Variants in USP54 observed in about 807,000 individuals in gnomAD.
USP54 encodes the protein ubiquitin carboxyl-terminal hydrolase 54.
Under a neutral mutation model 170.5 loss-of-function variants are expected in USP54, and 87 were observed. That is an observed-to-expected ratio of 0.51 (90% confidence interval 0.43 to 0.61). USP54 has a LOEUF of 0.61. Ranked by LOEUF, USP54 falls within the 20% of genes least tolerant of loss-of-function variation. USP54 has a pLI of 0.00. For synonymous variants in USP54, 655 were observed against 742.8 expected, an observed-to-expected ratio of 0.88 and a Z score of 1.92; for missense variants, 1,786 against 2,047.8, an observed-to-expected ratio of 0.87 and a Z score of 2.47.
At chr10:73,551,364 A>G (rs540672067) in intron 4 of USP54, among the ~76,000 whole-genome samples, 2 of 152,368 alleles carry the variant, frequency 1.3e-5, no homozygotes, top group African/African-American at 4.8e-5. Context: ...CAAGTCCACT[A>G]TAAGGTCAAG....
At chr10:73,556,640 G>A (rs988924036) in intron 4 of USP54, among the ~76,000 whole-genome samples, 11 of 152,052 alleles carry the variant, frequency 7.2e-5, no homozygotes, top group African/African-American at 9.7e-5. Context: ...CACCGCGCCC[G>A]GGCTGAGTAA....
At chr10:73,533,840 A>G (rs1392658089) in intron 12 of USP54, among the ~76,000 whole-genome samples, 4 of 152,226 alleles carry the variant, frequency 2.6e-5, no homozygotes, top group African/African-American at 9.6e-5. Context: ...TCTATCCTTC[A>G]GGAAGCTTAG....
intron 5 of USP54, 105 bp from the exon 6 acceptor site, chr10:73,543,236 G>A: frequency 1.3e-6 from 1 of 764,838 alleles, no homozygotes; most frequent in South Asian, 1.9e-5. Context: ...CTGGAAGGTA[G>A]GAATATTTTG....
At chr10:73,510,468 G>C (rs879828358) in intron 20 of USP54, among the ~76,000 whole-genome samples, 3 of 58,734 alleles carry the variant, frequency 5.1e-5, no homozygotes, top group Non-Finnish European at 1.0e-4. Flanking sequence ...TTTTTTTTTT[G>C]AGATGGCAGT....
upstream of USP54, among the ~76,000 whole-genome samples, chr10:73,593,515 T>C (rs2078469549): frequency 6.6e-6 from 1 of 152,188 alleles, no homozygotes; most frequent in African/African-American, 2.4e-5. Flanking sequence ...GTTTAAATGT[T>C]CAGGTATTCT....
chr10:73,575,276 T>C (rs569579144), intron 3 of USP54, among the ~76,000 whole-genome samples: 2 of 152,294 alleles, frequency 1.3e-5, no homozygotes, highest in African/African-American at 2.4e-5. Flanking sequence ...TAATAGTAGT[T>C]ACAGTTATTA....
At chr10:73,544,127 G>A (rs774968442) in intron 5 of USP54, among the ~76,000 whole-genome samples, 4 of 151,976 alleles carry the variant, frequency 2.6e-5, no homozygotes, top group Non-Finnish European at 5.9e-5. Context: ...GTTTTTAATA[G>A]AGACGGCGTT....
intron 4 of USP54, among the ~76,000 whole-genome samples, chr10:73,552,503 T>C (rs968724954): frequency 6.6e-6 from 1 of 151,856 alleles, no homozygotes; most frequent in Admixed American, 6.5e-5. Flanking sequence ...ATATAAGATA[T>C]ACATCAGCCG....
chr10:73,571,696 T>C (rs2075233850), intron 3 of USP54, among the ~76,000 whole-genome samples, 183 bp from the exon 4 acceptor site: 2 of 152,138 alleles, frequency 1.3e-5, no homozygotes, highest in Non-Finnish European at 2.9e-5. Flanking sequence ...GAAAAATAAA[T>C]GGTCATATTC....
chr10:73,565,144 T>C (rs1290493085), intron 4 of USP54, among the ~76,000 whole-genome samples: 1 of 152,074 alleles, frequency 6.6e-6, no homozygotes, highest in Non-Finnish European at 1.5e-5. Flanking sequence ...TATCCCTACT[T>C]ATCTTTAGTG....
chr10:73,511,851 T>G (rs1589888059), intron 20 of USP54, among the ~76,000 whole-genome samples: 1 of 151,046 alleles, frequency 6.6e-6, no homozygotes, highest in East Asian at 2.0e-4. Context: ...CAAGCAATTC[T>G]CCTGCCTCAG....
At chr10:73,505,944 T>G (rs150320919) in intron 20 of USP54, 4,612 of 152,496 alleles carry the variant, frequency 0.03, 205 homozygotes, top group Admixed American at 0.11. Flanking sequence ...ATTTCATTTT[T>G]GTAAACATAA....
At chr10:73,515,573 C>A (rs2060926447) in intron 20 of USP54, among the ~76,000 whole-genome samples, 2 of 152,250 alleles carry the variant, frequency 1.3e-5, no homozygotes, top group South Asian at 4.1e-4. Context: ...CCAAACTTGA[C>A]TTTTCCTAAA....
At chr10:73,578,472 C>T (rs1485860249) in intron 1 of USP54, among the ~76,000 whole-genome samples, 2 of 152,232 alleles carry the variant, frequency 1.3e-5, no homozygotes, top group African/African-American at 2.4e-5. Flanking sequence ...AGTGCAGTCG[C>T]GCAATATTGG....
At chr10:73,556,556 G>A (rs2071119840) in intron 4 of USP54, among the ~76,000 whole-genome samples, 1 of 151,658 alleles carries the variant, frequency 6.6e-6, no homozygotes, top group Non-Finnish European at 1.5e-5. Context: ...ATCTTGGCCA[G>A]GCTAGTCCTC....
In USP54 at chr10:73,516,650, G is replaced by C; in HGVS notation, c.3776C>G (p.Pro1259Arg). The C allele has an allele frequency of 6.2e-7, 1 of 1,614,230 alleles. No homozygotes were observed. Among genetic ancestry groups the C allele is most frequent in the Non-Finnish European group, 8.5e-7 (1 of 1,180,046 alleles). Residue 1259 changes from proline (P) to arginine (R), a missense_variant, in exon 20 of 24, where the codon CCT (proline) becomes CGT (arginine). Physicochemically the swap from Pro to Arg is moderately radical, Grantham distance 103 (BLOSUM62 -2). Around this residue, in one of 3 missense-constraint regions of USP54, gnomAD observed 1,418 missense variants for 1,569.0 expected, o/e 0.90. Transcript: ENST00000687698. ...TGTGATATTCACCCAGGAATCCAAA[G>C]GCAAGGAAGTCCCCAAGTCAGTACT... ...GSSTDLGTSLPLDSWVNITRF... is the reference protein window; with the variant it reads ...GSSTDLGTSLRLDSWVNITRF...
intron 4 of USP54, among the ~76,000 whole-genome samples, chr10:73,565,213 C>A (rs938445715): frequency 6.6e-6 from 1 of 151,964 alleles, no homozygotes; most frequent in Middle Eastern, 3.2e-3. Context: ...TTTGTTACCA[C>A]AATATAATTT....
intron 1 of USP54, among the ~76,000 whole-genome samples, chr10:73,587,309 T>TA (rs1404750146): frequency 6.6e-6 from 1 of 151,834 alleles, no homozygotes; most frequent in East Asian, 1.9e-4. Context: ...CCGTCTCTAC[T>TA]AAAAAACACA....
At chr10:73,598,420 G>C (rs1485662930) in intron 1 of USP54, among the ~76,000 whole-genome samples, 1 of 152,032 alleles carries the variant, frequency 6.6e-6, no homozygotes, top group East Asian at 1.9e-4. Flanking sequence ...CATGACCCTG[G>C]GTTAGGCAAA....
Sources: gnomAD v4.1 joint callset for allele counts (sites outside exome capture counted in the v4.1 genomes callset) on GRCh38, gnomAD v4.1.1 for gene constraint, gnomAD v4.1.1 regional missense constraint, MANE v1.5 for transcripts, NCBI Gene and HGNC (gene_info 2026-07-23, HGNC 2026-07-21) for gene names.